Variants in LIPA observed in about 807,000 individuals in gnomAD.
LIPA encodes the protein lipase A, lysosomal acid type, also known as lysosomal acid lipase/cholesteryl ester hydrolase.
LIPA carries 26 observed loss-of-function variants against 40.6 expected under a neutral mutation model. The ratio of observed to expected loss-of-function variants is 0.64; its 90% confidence interval spans 0.47 to 0.89. The LOEUF (loss-of-function observed/expected upper bound fraction) is 0.89, where lower values mean the gene tolerates loss of function less well. LIPA is among the 40% of genes least tolerant of loss of function. The pLI is 0.00. For synonymous variants in LIPA, 188 were observed against 168.4 expected (o/e 1.12, Z -0.90); for missense variants, 455 against 479.6 (o/e 0.95, Z 0.48).
At position 89,273,258 on chromosome 10, in the gene LIPA, C is replaced by T. The variant is rs557597509; in HGVS notation, c.-1-25609G>A. On this transcript the variant is annotated intron_variant, in intron 1 of 5. Transcript: ENST00000282673. ...AGTCAGAGTAGAACATATTGTCCCTCATTATAGGAGGAAGATGAGAGGATG... is the reference window on the plus strand; with the variant it reads ...AGTCAGAGTAGAACATATTGTCCCTTATTATAGGAGGAAGATGAGAGGATG... Among the ~76,000 whole-genome samples, 10 of 152,044 alleles carry T rather than the reference C, an allele frequency of 6.6e-5. 1 individual carries two copies. The highest frequency in any genetic ancestry group is 1.3e-4 in the Non-Finnish European group (9 of 67,988).
chr10:89,238,846 T>G lies in LIPA; in HGVS notation c.229+6830A>C, dbSNP rs184869283. ...TACAGGTAAGCCCTCTGGTCAACAGTAGGCTATTAGTTAAATTTTGGGGAA... is the reference window on the plus strand; with the variant it reads ...TACAGGTAAGCCCTCTGGTCAACAGGAGGCTATTAGTTAAATTTTGGGGAA... On this transcript the variant is annotated intron_variant, in intron 3 of 9. Coordinates refer to ENST00000336233, the MANE Select transcript of LIPA (RefSeq NM_000235.4). Among the ~76,000 whole-genome samples the G allele has an allele frequency of 3.3e-3, 506 of 152,344 alleles. 1 individual carries two copies. Among genetic ancestry groups the G allele is most frequent in the African/African-American group, 0.012 (484 of 41,570 alleles).
chr10:89,249,095 C>T (rs569737278), intron 1 of LIPA, among the ~76,000 whole-genome samples: 1 of 152,296 alleles, frequency 6.6e-6, no homozygotes, highest in African/African-American at 2.4e-5. Flanking sequence ...CTAACCACTT[C>T]TGTTCTTGCC....
intron 1 of LIPA, among the ~76,000 whole-genome samples, chr10:89,337,134 G>GGAAAAGATGAA (rs1376271688): frequency 6.6e-6 from 1 of 152,132 alleles, no homozygotes; most frequent in Non-Finnish European, 1.5e-5. Context: ...TGTAAGTGGT[G>GGAAAAGATGAA]GAAAAGATGA....
At position 89,260,926 on chromosome 10, in the gene LIPA, T is replaced by C. The variant is rs80265997; in HGVS notation, c.-1-13277A>G. 8.2e-4 allele frequency among the ~76,000 whole-genome samples: 125 copies of C among 152,320 alleles called. No individual in the cohort carries two copies. In the East Asian group the frequency reaches 0.019, roughly 24 times the overall value. On this transcript the variant is annotated intron_variant, in intron 1 of 5. Coordinates refer to the LIPA transcript ENST00000282673. ...TGGTGAGCAAGGGTTCCTCTTCCTT[T>C]TCCTATGCTGGGCTTCTCAGTCAGT...
At chr10:89,292,804 C>A (rs146397592) in intron 1 of LIPA, among the ~76,000 whole-genome samples, 20 of 151,438 alleles carry the variant, frequency 1.3e-4, no homozygotes, top group Admixed American at 5.3e-4. Context: ...TGCCACCATG[C>A]CTGGCTACTT....
intron 3 of LIPA, among the ~76,000 whole-genome samples, chr10:89,238,264 T>C (rs1842928678): frequency 1.3e-5 from 2 of 152,116 alleles, no homozygotes; most frequent in South Asian, 4.1e-4. Context: ...TAACAGAAGA[T>C]GATTTGATGG....
At chr10:89,278,848 T>C (rs1481002271) in intron 1 of LIPA, among the ~76,000 whole-genome samples, 1 of 151,198 alleles carries the variant, frequency 6.6e-6, no homozygotes, top group Non-Finnish European at 1.5e-5. Context: ...AATATAAAAT[T>C]ACTTTTATAT....
rs1844300002 is a variant in LIPA at position 89,394,202 on chromosome 10, C to A, written c.61+18589G>T. ...CTGAATACTGTAGGCAACTGCAATA[C>A]AATGGCAAGTATTTGTTTATCTAAA... On this transcript the variant is annotated intron_variant, in intron 2 of 8. Transcript: ENST00000371837. 3.4e-5 allele frequency among the ~76,000 whole-genome samples: 5 copies of A among 149,174 alleles called. No individual in the cohort carries two copies. The South Asian group carries it at 1.0e-3, about 31-fold the overall frequency.
chr10:89,248,178 T>C (rs1843057601), intron 1 of LIPA, among the ~76,000 whole-genome samples: 1 of 151,062 alleles, frequency 6.6e-6, no homozygotes, highest in Admixed American at 6.6e-5. Context: ...AATTTTTTTT[T>C]TTTTTCGGAG....
At chr10:89,335,185 A>G (rs539515026) in intron 1 of LIPA, among the ~76,000 whole-genome samples, 1 of 152,252 alleles carries the variant, frequency 6.6e-6, no homozygotes, top group African/African-American at 2.4e-5. Flanking sequence ...AAGGGACCCA[A>G]TTTTCAGTGG....
intron 3 of LIPA, among the ~76,000 whole-genome samples, chr10:89,236,680 G>A (rs985543113): frequency 1.3e-4 from 20 of 152,108 alleles, no homozygotes; most frequent in Admixed American, 6.5e-5. Context: ...AAGAAAATTT[G>A]TGAAGCCATT....
At chr10:89,295,683 A>G (rs1457195640) in intron 1 of LIPA, among the ~76,000 whole-genome samples, 2 of 152,248 alleles carry the variant, frequency 1.3e-5, no homozygotes, top group Non-Finnish European at 2.9e-5. Flanking sequence ...TCTATATTCT[A>G]TATAAATGAA....
chr10:89,304,338 T>C (rs763399994), intron 1 of LIPA, among the ~76,000 whole-genome samples: 1 of 152,082 alleles, frequency 6.6e-6, no homozygotes, highest in Non-Finnish European at 1.5e-5. Flanking sequence ...GTTGAAAAGC[T>C]CATGTCCAAA....
At chr10:89,319,168 C>A (rs936460690) in intron 1 of LIPA, among the ~76,000 whole-genome samples, 2 of 152,048 alleles carry the variant, frequency 1.3e-5, no homozygotes, top group Non-Finnish European at 2.9e-5. Flanking sequence ...GAAGCAAGAG[C>A]AAACACATTC....
intron 1 of LIPA, among the ~76,000 whole-genome samples, chr10:89,288,441 C>T (rs1292343403): frequency 6.6e-6 from 1 of 152,160 alleles, no homozygotes; most frequent in Non-Finnish European, 1.5e-5. Context: ...CTTTTCATTA[C>T]ACACAGCGAA....
Position 89,306,689 on chromosome 10 carries a change from G to C in LIPA, c.-2+35922C>G, listed in dbSNP as rs41284134. 6.7e-3 allele frequency: 10,748 copies of C among 1,614,108 alleles called. 54 individuals are homozygous for C. The highest frequency in any genetic ancestry group is 0.031 in the Middle Eastern group (185 of 6,062). Reference sequence around the variant, plus strand: ...TGAAGAAGCCTTGGAGAAAGCCCCAGGTGTAACAGATGTTCTTCGCAGTGC... The same window carrying C: ...TGAAGAAGCCTTGGAGAAAGCCCCACGTGTAACAGATGTTCTTCGCAGTGC... On this transcript the variant is annotated intron_variant, in intron 1 of 5. Coordinates refer to the LIPA transcript ENST00000282673.
intron 2 of LIPA, among the ~76,000 whole-genome samples, chr10:89,395,444 G>C (rs952035175): frequency 4.6e-5 from 7 of 152,150 alleles, no homozygotes; most frequent in Non-Finnish European, 1.0e-4. Flanking sequence ...CTCTGGATCT[G>C]TAAGTAATAA....
At chr10:89,349,414 G>A (rs927002109) in intron 2 of LIPA, among the ~76,000 whole-genome samples, 4 of 152,148 alleles carry the variant, frequency 2.6e-5, no homozygotes, top group African/African-American at 9.7e-5. Flanking sequence ...CCCCATGCAC[G>A]TAATAAGTTT....
chr10:89,223,829 T>A lies in LIPA; in HGVS notation c.677A>T (p.Asp226Val). The change falls in exon 7 of 10, where the codon GAC becomes GTC. Residue 226 changes from aspartate to valine, a missense_variant and splice_region_variant. Physicochemically the swap from Asp to Val is radical, Grantham distance 152. Transcript: ENST00000336233. ...AAGAAATTCTTTGTCTCCAAATAAG[T>A]CCTACAAAATAAAAAGAAACCCAAG... ...LGRLPDHLIKDLFGDKEFLPQ... is the reference protein window; with the variant it reads ...LGRLPDHLIKVLFGDKEFLPQ... 1.2e-6 allele frequency: 2 copies of A among 1,613,888 alleles called. No individual in the cohort carries two copies. The highest frequency in any genetic ancestry group is 1.7e-6 in the Non-Finnish European group (2 of 1,179,950).
Sources: allele counts gnomAD v4.1 joint callset (sites outside exome capture counted in the v4.1 genomes callset), GRCh38; gene constraint gnomAD v4.1.1; transcripts MANE v1.5; gene names NCBI Gene and HGNC (gene_info 2026-07-23, HGNC 2026-07-21).